TLE2: variants seen among roughly 807,000 people sequenced by gnomAD.
TLE2 encodes transducin-like enhancer protein 2.
A neutral mutation model predicts 97.2 loss-of-function variants in TLE2; 74 were observed. The observed-to-expected ratio is 0.76, with a 90% CI of 0.63 to 0.92. TLE2 has a LOEUF of 0.92. Among genes scored for constraint, TLE2 ranks in the 40% least tolerant of loss-of-function variants. The pLI is 0.00. For missense variants in TLE2, 1,038 were observed against 1,008.7 expected (o/e 1.03, Z -0.39); for synonymous variants, 499 against 432.1 (o/e 1.15, Z -1.92).
At chr19:3,041,014 T>TATATATATATGTATATATATATATA (rs55998855) in intron 1 of TLE2, among the ~76,000 whole-genome samples, 2 of 20,160 alleles carry the variant, frequency 9.9e-5, no homozygotes, top group Non-Finnish European at 1.7e-4. Flanking sequence ...TATATATATA[T>TATATATATATGTATATATATATATA]TTTTTTTTTT....
chr19:3,026,931 T>A (rs2089956536), intron 4 of TLE2, among the ~76,000 whole-genome samples: 1 of 150,124 alleles, frequency 6.7e-6, no homozygotes, highest in Non-Finnish European at 1.5e-5. Flanking sequence ...CTCAGGACCT[T>A]GAGGTCTATC....
Position 3,019,645 on chromosome 19 carries a change from G to C in TLE2, c.369+54C>G. 6.3e-7 allele frequency: 1 copy of C among 1,580,534 alleles called. No individual in the cohort carries two copies. Among genetic ancestry groups the C allele is most frequent in the Non-Finnish European group, 8.6e-7 (1 of 1,163,146 alleles). The stretch of plus-strand genomic sequence containing the variant: ...TTTAACACCTCCTGGGTGGGTGCCA[G>C]GGACCTGGGAGTGGGCGTCTCCCCA... On this transcript the variant is annotated intron_variant, in intron 6 of 19. Coordinates refer to ENST00000262953, the MANE Select transcript of TLE2 (RefSeq NM_003260.5). This position sits in a 1 kb window ranked among gnomAD's most constrained non-coding sequence, Gnocchi z 5.1.
intron 8 of TLE2, among the ~76,000 whole-genome samples, chr19:3,017,160 C>CA: frequency 6.7e-6 from 1 of 149,922 alleles, no homozygotes. Flanking sequence ...TTTTTTGAGA[C>CA]AGAGTCTCAT....
intron 1 of TLE2, among the ~76,000 whole-genome samples, chr19:3,040,933 G>T (rs1461467123): frequency 6.9e-6 from 1 of 144,502 alleles, no homozygotes; most frequent in Non-Finnish European, 1.5e-5. Flanking sequence ...ATCTGGAAAA[G>T]GGGCATGGTA....
chr19:3,016,607 A>T (rs1238179078), intron 8 of TLE2, among the ~76,000 whole-genome samples: 1 of 138,992 alleles, frequency 7.2e-6, no homozygotes, highest in Non-Finnish European at 1.6e-5. Flanking sequence ...AAAAAAAAAA[A>T]TTAAACCATT....
Position 2,997,809 on chromosome 19 carries a change from G to T in TLE2, c.*39C>A. On this transcript the variant is annotated 3_prime_UTR_variant, in exon 20 of 20. Coordinates refer to ENST00000262953, the MANE Select transcript of TLE2 (RefSeq NM_003260.5). ...GTCTGTCCTGGCTGCTGATTCCCCT[G>T]GGAGTCTGGACTTCGGGTACAGGAA... is the stretch of plus-strand genomic sequence containing the variant. 6.9e-7 allele frequency: 1 copy of T among 1,458,450 alleles called. No individual in the cohort carries two copies. Among genetic ancestry groups the T allele is most frequent in the Non-Finnish European group, 9.5e-7 (1 of 1,054,840 alleles). 90.3% of individuals were successfully genotyped at this position (1,458,450 alleles called of 1,614,324 possible).
At chr19:3,022,356 C>G (rs4806894) in intron 5 of TLE2, among the ~76,000 whole-genome samples, 15 of 151,612 alleles carry the variant, frequency 9.9e-5, no homozygotes, top group South Asian at 4.2e-4. Flanking sequence ...ACCACCCCCC[C>G]ACCCCATCTA....
At chr19:3,046,234 C>A (rs569493810), upstream of TLE2, among the ~76,000 whole-genome samples, 2 of 152,328 alleles carry the variant, frequency 1.3e-5, no homozygotes, top group Admixed American at 1.3e-4. Context: ...TTTCTAGCTC[C>A]CTAATTCCAC....
chr19:3,016,877 C>A (rs555600581), intron 8 of TLE2, among the ~76,000 whole-genome samples: 1 of 151,730 alleles, frequency 6.6e-6, no homozygotes, highest in South Asian at 2.1e-4. Flanking sequence ...CTCCCGGGTT[C>A]ACGCCATTCT....
At chr19:3,043,050 C>T (rs1246078644) in intron 1 of TLE2, among the ~76,000 whole-genome samples, 2 of 152,116 alleles carry the variant, frequency 1.3e-5, no homozygotes. Flanking sequence ...AAGCTCCTGG[C>T]CTCAAATGAT....
At chr19:2,998,784 C>T (rs928541553) in intron 19 of TLE2, among the ~76,000 whole-genome samples, 7 of 152,170 alleles carry the variant, frequency 4.6e-5, no homozygotes, top group African/African-American at 1.7e-4. Context: ...TCCATTCCCT[C>T]AATACCAAGA....
intron 14 of TLE2, 99 bp downstream of exon 14, chr19:3,008,770 A>G: frequency 3.1e-6 from 3 of 973,508 alleles, no homozygotes; most frequent in Middle Eastern, 3.3e-4. Context: ...GACTTTCTAG[A>G]AGGGAAGCAG....
chr19:3,008,455 C>CTTT (rs34168841), intron 14 of TLE2, among the ~76,000 whole-genome samples: 92 of 143,464 alleles, frequency 6.4e-4, no homozygotes, highest in Admixed American at 6.3e-4. Context: ...TTTCTTTTTT[C>CTTT]TTTTTTTTTT....
intron 2 of TLE2, 122 bp from the exon 3 acceptor site, chr19:3,028,504 T>A: frequency 9.3e-7 from 1 of 1,072,680 alleles, no homozygotes; most frequent in Non-Finnish European, 1.3e-6. Context: ...CCTGTCCCAG[T>A]CCCTCCCCGC....
Position 3,018,583 on chromosome 19 carries a change from G to A in TLE2, c.550+700C>T, listed in dbSNP as rs528883063. Among the ~76,000 whole-genome samples, 17 of 143,950 alleles carry A rather than the reference G, an allele frequency of 1.2e-4. 1 individual carries two copies. Among genetic ancestry groups the A allele is most frequent in the East Asian group, 6.4e-4 (3 of 4,708 alleles). The allele number at this position is 143,950 out of a possible 152,430, so 94.4% of individuals were successfully genotyped here. A position where few individuals can be genotyped will look rare whatever the true frequency, so the allele number is the denominator to read the frequency against. On this transcript the variant is annotated intron_variant, in intron 7 of 19. Transcript: ENST00000262953. ...GCTGGGATTACAGGCGTGAACCACC[G>A]TGCCTGGCTATCTATTTTTATTTAT...
At chr19:2,999,736 A>AAG (rs2089311019) in intron 19 of TLE2, among the ~76,000 whole-genome samples, 1 of 135,806 alleles carries the variant, frequency 7.4e-6, no homozygotes, top group Non-Finnish European at 1.6e-5. Flanking sequence ...CAAAAAAAAA[A>AAG]AAAGAAAGAA....
At position 3,015,741 on chromosome 19, in the gene TLE2, G is replaced by A. The variant is rs752044012; in HGVS notation, c.590C>T (p.Pro197Leu). The A allele has an allele frequency of 6.2e-7, 1 of 1,609,910 alleles. No homozygotes were observed. Among genetic ancestry groups the A allele is most frequent in the Admixed American group, 1.7e-5 (1 of 59,608 alleles). Residue 197 changes from proline to leucine, a missense_variant, in exon 9 of 20, where the codon CCT (proline) becomes CTT (leucine). Pro to Leu is a moderately conservative substitution (Grantham distance 98, BLOSUM62 -3). Transcript: ENST00000262953. ...APSRSASPSP[P>L]ESLVEEERPS... ...TCGCTCCTCCTCCACGAGACTCTCA[G>A]GGGGCGAGGGAGATGCACTCTGCGG...
intron 18 of TLE2, among the ~76,000 whole-genome samples, chr19:3,001,982 G>C (rs1204878973): frequency 2.0e-5 from 3 of 151,772 alleles, no homozygotes; most frequent in African/African-American, 4.8e-5. Flanking sequence ...ACTTTTAATA[G>C]AGTCAGGGTT....
intron 12 of TLE2, among the ~76,000 whole-genome samples, 185 bp from the exon 13 acceptor site, chr19:3,009,887 C>CTTTT (rs1555691086): frequency 2.0e-5 from 3 of 148,416 alleles, no homozygotes; most frequent in Non-Finnish European, 3.0e-5. Flanking sequence ...TTCTCTCTCT[C>CTTTT]TTTTTTTCTT....
Sources: allele counts gnomAD v4.1 joint callset (sites outside exome capture counted in the v4.1 genomes callset), GRCh38; gene constraint gnomAD v4.1.1; non-coding constraint Gnocchi (gnomAD v3.1); transcripts MANE v1.5; gene names NCBI Gene and HGNC (gene_info 2026-07-23, HGNC 2026-07-21).